The following DIP2C variants were observed in gnomAD, a reference collection of about 807,000 sequenced individuals.
DIP2C encodes DIP2 acetate--CoA ligase C (putative).
Under a neutral mutation model 192.4 loss-of-function variants are expected in DIP2C, and 33 were observed. That is an observed-to-expected ratio of 0.17 (90% CI 0.13 to 0.23). The LOEUF (loss-of-function observed/expected upper bound fraction) is 0.23, where lower values mean the gene tolerates loss of function less well. Ranked by LOEUF, DIP2C falls within the 10% of genes least tolerant of loss-of-function variation. The pLI is 1.00. For missense variants in DIP2C, 1,537 were observed against 2,110.1 expected, an observed-to-expected ratio of 0.73 and a Z score of 5.32; for synonymous variants, 979 against 864.1, an observed-to-expected ratio of 1.13 and a Z score of -2.33.
intron 1 of DIP2C, among the ~76,000 whole-genome samples, chr10:487,954 C>T (rs557447343): frequency 1.3e-5 from 2 of 152,218 alleles, no homozygotes; most frequent in Non-Finnish European, 2.9e-5. Flanking sequence ...GCACTCCACA[C>T]CGGCAGCCAT....
At chr10:679,642 C>T (rs1171503941) in intron 1 of DIP2C, among the ~76,000 whole-genome samples, 3 of 149,234 alleles carry the variant, frequency 2.0e-5, no homozygotes, top group Admixed American at 6.6e-5. Flanking sequence ...GCTCCCCACA[C>T]CCGTGCTCCC....
chr10:448,446 G>T (rs1589819846), intron 3 of DIP2C, among the ~76,000 whole-genome samples: 1 of 143,684 alleles, frequency 7.0e-6, no homozygotes, highest in East Asian at 2.2e-4. Context: ...ACTCACAGTG[G>T]GGCAGCAGGA....
At chr10:393,339 C>G (rs1963647270) in intron 10 of DIP2C, among the ~76,000 whole-genome samples, 1 of 152,152 alleles carries the variant, frequency 6.6e-6, no homozygotes. Flanking sequence ...CCAACAGATT[C>G]TTTCAGTTAA....
At chr10:460,193 G>A (rs996310950) in intron 3 of DIP2C, among the ~76,000 whole-genome samples, 2 of 152,236 alleles carry the variant, frequency 1.3e-5, no homozygotes, top group African/African-American at 4.8e-5. Context: ...GGTGGAATGG[G>A]CACAACACAA....
intron 1 of DIP2C, among the ~76,000 whole-genome samples, chr10:659,311 C>A (rs1291107374): frequency 6.6e-6 from 1 of 152,232 alleles, no homozygotes; most frequent in African/African-American, 2.4e-5. Context: ...ATGCATGCAT[C>A]TGTACAGTAC....
chr10:430,536 G>C (rs1405573406), intron 4 of DIP2C: 1 of 152,140 alleles, frequency 6.6e-6, no homozygotes, highest in East Asian at 1.9e-4. Flanking sequence ...TGATTGTTTT[G>C]TTATTGTTGA....
chr10:468,021 G>A (rs1040801841), intron 3 of DIP2C, among the ~76,000 whole-genome samples: 2 of 152,162 alleles, frequency 1.3e-5, no homozygotes, highest in Non-Finnish European at 2.9e-5. Flanking sequence ...CAAGATGAGT[G>A]GTCACAGACC....
intron 9 of DIP2C, among the ~76,000 whole-genome samples, chr10:406,059 C>T (rs1385493994): frequency 1.3e-5 from 2 of 152,186 alleles, no homozygotes; most frequent in Non-Finnish European, 2.9e-5. Flanking sequence ...ACCGTGCTCC[C>T]GTATCTCTAC....
At chr10:482,497 C>G (rs1843680346) in intron 2 of DIP2C, among the ~76,000 whole-genome samples, 1 of 152,204 alleles carries the variant, frequency 6.6e-6, no homozygotes, top group African/African-American at 2.4e-5. Context: ...AGACAAACCC[C>G]CTTACAGAGT....
At chr10:575,256 A>G (rs1235835371) in intron 1 of DIP2C, among the ~76,000 whole-genome samples, 2 of 152,244 alleles carry the variant, frequency 1.3e-5, no homozygotes, top group African/African-American at 2.4e-5. Flanking sequence ...TAATCTACAC[A>G]TAAAACACTG....
At chr10:479,117 G>C (rs1220142543) in intron 2 of DIP2C, among the ~76,000 whole-genome samples, 1 of 152,162 alleles carries the variant, frequency 6.6e-6, no homozygotes, top group Admixed American at 6.6e-5. Flanking sequence ...TTCTCTCCAG[G>C]TCTCAATTAC....
At chr10:603,398 T>A (rs1260695940) in intron 1 of DIP2C, among the ~76,000 whole-genome samples, 1 of 148,956 alleles carries the variant, frequency 6.7e-6, no homozygotes, top group Non-Finnish European at 1.5e-5. Flanking sequence ...CAACCCTTAT[T>A]CAAAGGTCGC....
chr10:565,276 A>T (rs1312191009), intron 1 of DIP2C, among the ~76,000 whole-genome samples: 1 of 151,378 alleles, frequency 6.6e-6, no homozygotes, highest in African/African-American at 2.4e-5. Context: ...GAACCTTAAG[A>T]GTACCGCCCT....
intron 17 of DIP2C, among the ~76,000 whole-genome samples, chr10:376,619 A>AG (rs1176715898): frequency 6.6e-6 from 1 of 151,538 alleles, no homozygotes; most frequent in African/African-American, 2.4e-5. Flanking sequence ...TCACCACCAA[A>AG]GGTTTCTCTT....
intron 32 of DIP2C, among the ~76,000 whole-genome samples, chr10:304,181 A>G (rs1201080068): frequency 2.0e-5 from 3 of 152,206 alleles, no homozygotes; most frequent in Non-Finnish European, 4.4e-5. Flanking sequence ...GTATGATCCT[A>G]CATGCTATAC....
In DIP2C at chr10:383,490, T is replaced by C. The variant is rs76106950; in HGVS notation, c.1876+537A>G. 6.1e-3 allele frequency among the ~76,000 whole-genome samples: 925 copies of C among 152,384 alleles called. 4 individuals carry two copies. The highest frequency in any genetic ancestry group is 0.014 in the Middle Eastern group (4 of 294). ...AATATTTCTCAAGGTGTATTTATAG[T>C]ATTCTGTGGAGCTGCTAATTTACTT... is the stretch of plus-strand genomic sequence containing the variant. On this transcript the variant is annotated intron_variant, in intron 16 of 36. Transcript: ENST00000280886.
At chr10:581,862 A>G (rs1294517506) in intron 1 of DIP2C, among the ~76,000 whole-genome samples, 1 of 152,126 alleles carries the variant, frequency 6.6e-6, no homozygotes, top group African/African-American at 2.4e-5. Context: ...ACATCTTAGC[A>G]CATGTTAGGC....
intron 24 of DIP2C, among the ~76,000 whole-genome samples, chr10:355,927 A>G (rs1244898400): frequency 6.6e-6 from 1 of 152,184 alleles, no homozygotes; most frequent in Non-Finnish European, 1.5e-5. Context: ...CTAAAAATAC[A>G]AAAATTAGCC....
intron 4 of DIP2C, among the ~76,000 whole-genome samples, chr10:432,364 A>G (rs1966868071): frequency 6.6e-6 from 1 of 152,190 alleles, no homozygotes; most frequent in African/African-American, 2.4e-5. Context: ...GATTCAATTT[A>G]ACAGATACAG....
Sources: allele counts gnomAD v4.1 joint callset (sites outside exome capture counted in the v4.1 genomes callset), GRCh38; gene constraint gnomAD v4.1.1; transcripts MANE v1.5; gene names NCBI Gene and HGNC (gene_info 2026-07-23, HGNC 2026-07-21).